The following EXOC2 variants were observed in gnomAD, a reference collection of about 807,000 sequenced individuals.
EXOC2 encodes the protein SEC5-like 1.
A neutral mutation model predicts 131.8 loss-of-function variants in EXOC2; 70 were observed. That is an observed-to-expected ratio of 0.53 (90% CI 0.44 to 0.65). The LOEUF (loss-of-function observed/expected upper bound fraction) is 0.65, where lower values mean the gene tolerates loss of function less well. EXOC2 is among the 30% of genes least tolerant of loss of function. EXOC2 has a pLI of 0.00. For missense variants in EXOC2, 923 were observed against 1,108.6 expected (o/e 0.83, Z 2.38); for synonymous variants, 411 against 398.4 (o/e 1.03, Z -0.38).
intron 1 of EXOC2, among the ~76,000 whole-genome samples, chr6:642,101 C>T (rs1435752347): frequency 6.6e-6 from 1 of 152,142 alleles, no homozygotes; most frequent in East Asian, 1.9e-4. Context: ...GAACCTGCCA[C>T]ATGCTTGTAT....
At chr6:516,871 T>C (rs1382945727) in intron 23 of EXOC2, among the ~76,000 whole-genome samples, 10 of 152,098 alleles carry the variant, frequency 6.6e-5, no homozygotes, top group Admixed American at 2.6e-4. Flanking sequence ...AGTACAGATA[T>C]AGAATATGAC....
chr6:546,120 A>AT (rs1016403211), intron 22 of EXOC2, among the ~76,000 whole-genome samples: 12 of 150,898 alleles, frequency 8.0e-5, no homozygotes, highest in Admixed American at 2.6e-4. Flanking sequence ...TTTAATTTTT[A>AT]TTTTTTTTTA....
chr6:682,926 T>C (rs1301537829), intron 1 of EXOC2, among the ~76,000 whole-genome samples: 1 of 151,418 alleles, frequency 6.6e-6, no homozygotes, highest in Non-Finnish European at 1.5e-5. Context: ...AAATACAGGA[T>C]GGTATCATTT....
rs1175381864 is a variant in EXOC2 at position 553,834 on chromosome 6, C to G, written c.2121+20G>C. 6.2e-7 allele frequency: 1 copy of G among 1,602,812 alleles called. No homozygotes were observed. Among genetic ancestry groups the G allele is most frequent in the Admixed American group, 1.7e-5 (1 of 59,822 alleles). ...ACACAGTTTTAAAATGGTTTACTTT[C>G]TAGTTATCGTCTGACTTACTGAGGT... On this transcript the variant is annotated intron_variant, in intron 21 of 27. Transcript: ENST00000230449.
At chr6:673,757 T>C (rs773447964) in intron 1 of EXOC2, among the ~76,000 whole-genome samples, 7 of 152,120 alleles carry the variant, frequency 4.6e-5, no homozygotes, top group Non-Finnish European at 1.0e-4. Context: ...CTTCCCAATA[T>C]GAAACACAAA....
chr6:558,826 T>C (rs1170148644), intron 17 of EXOC2, among the ~76,000 whole-genome samples: 1 of 151,150 alleles, frequency 6.6e-6, no homozygotes, highest in East Asian at 1.9e-4. Context: ...AAATTAAAAA[T>C]TAAAAAAAAA....
At chr6:496,897 G>A (rs1763775342) in intron 25 of EXOC2, among the ~76,000 whole-genome samples, 1 of 152,118 alleles carries the variant, frequency 6.6e-6, no homozygotes, top group African/African-American at 2.4e-5. Flanking sequence ...CTGCAGGCAT[G>A]CCTAGCAACT....
Position 501,199 on chromosome 6 carries a change from A to AT in EXOC2, c.2381-1500dup, listed in dbSNP as rs1764086207. Among the ~76,000 whole-genome samples the AT allele has an allele frequency of 4.8e-4, 10 of 21,008 alleles. 1 individual carries two copies. Among genetic ancestry groups the AT allele is most frequent in the African/African-American group, 8.4e-4 (7 of 8,372 alleles). 13.8% of individuals were successfully genotyped at this position (21,008 alleles called of 152,430 possible). A position where few individuals can be genotyped will look rare whatever the true frequency, so the allele number is the denominator to read the frequency against. The stretch of plus-strand genomic sequence containing the variant: ...ATCTATATATTATATATATCTATAT[A>AT]TATTATATATATATTATATATATCT... On this transcript the variant is annotated intron_variant, in intron 23 of 27. Coordinates refer to ENST00000230449, the MANE Select transcript of EXOC2 (RefSeq NM_018303.6).
At chr6:635,732 T>C (rs1172028501) in intron 2 of EXOC2, among the ~76,000 whole-genome samples, 1 of 152,234 alleles carries the variant, frequency 6.6e-6, no homozygotes, top group African/African-American at 2.4e-5. Flanking sequence ...TGGCAATATA[T>C]AAGGCAGGTT....
intron 1 of EXOC2, among the ~76,000 whole-genome samples, chr6:660,599 G>T (rs1201359419): frequency 4.6e-5 from 7 of 152,150 alleles, no homozygotes; most frequent in Admixed American, 1.3e-4. Flanking sequence ...CAGGAAGATG[G>T]GGAGAGCACT....
chr6:621,935 G>C (rs1276152328), intron 4 of EXOC2, among the ~76,000 whole-genome samples: 1 of 152,146 alleles, frequency 6.6e-6, no homozygotes, highest in Non-Finnish European at 1.5e-5. Flanking sequence ...TTAGAGCTTT[G>C]GGGGAATATA....
chr6:591,980 C>A (rs1759566494), intron 11 of EXOC2, among the ~76,000 whole-genome samples: 1 of 152,226 alleles, frequency 6.6e-6, no homozygotes, highest in South Asian at 2.1e-4. Context: ...AAAGCATTCT[C>A]CTCAGTTACT....
At chr6:674,648 T>C (rs1764026424) in intron 1 of EXOC2, among the ~76,000 whole-genome samples, 1 of 152,064 alleles carries the variant, frequency 6.6e-6, no homozygotes, top group African/African-American at 2.4e-5. Flanking sequence ...GTACTGATCT[T>C]TTCTCCTCTC....
chr6:499,812 T>G (rs1305573816), intron 23 of EXOC2, 112 bp from the exon 24 acceptor site: 2 of 759,378 alleles, frequency 2.6e-6, no homozygotes, highest in Non-Finnish European at 2.3e-6. Flanking sequence ...AAACAGAAAG[T>G]AACACCACCA....
At chr6:508,550 C>A (rs1451729254) in intron 23 of EXOC2, among the ~76,000 whole-genome samples, 1 of 152,152 alleles carries the variant, frequency 6.6e-6, no homozygotes, top group Admixed American at 6.5e-5. Context: ...CAATATGCAG[C>A]CTTTTCAGTT....
intron 11 of EXOC2, among the ~76,000 whole-genome samples, chr6:585,937 C>A (rs1420789126): frequency 6.6e-6 from 1 of 152,196 alleles, no homozygotes; most frequent in Non-Finnish European, 1.5e-5. Context: ...AATAAAGGAA[C>A]TACTTAAAAC....
chr6:515,159 C>A, intron 23 of EXOC2, among the ~76,000 whole-genome samples: 1 of 152,132 alleles, frequency 6.6e-6, no homozygotes, highest in East Asian at 1.9e-4. Context: ...ACACATTTTT[C>A]AGCTGAGCTC....
chr6:633,584 T>C (rs1313858455), intron 2 of EXOC2, among the ~76,000 whole-genome samples: 1 of 152,244 alleles, frequency 6.6e-6, no homozygotes, highest in Non-Finnish European at 1.5e-5. Flanking sequence ...TTTCTAGTGT[T>C]CACTTATACA....
At chr6:587,696 C>A (rs372149927) in intron 11 of EXOC2, among the ~76,000 whole-genome samples, 1 of 152,190 alleles carries the variant, frequency 6.6e-6, no homozygotes, top group African/African-American at 2.4e-5. Flanking sequence ...ACGTTCTGTC[C>A]GCGTCTGTGC....
Sources: gnomAD v4.1 joint callset for allele counts (sites outside exome capture counted in the v4.1 genomes callset) on GRCh38, gnomAD v4.1.1 for gene constraint, MANE v1.5 for transcripts, NCBI Gene and HGNC (gene_info 2026-07-23, HGNC 2026-07-21) for gene names.